DDHD2: variants seen among roughly 807,000 people sequenced by gnomAD.
The protein encoded by DDHD2 is DDHD domain containing 2, also known as triacylglycerol hydrolase DDHD2.
Under a neutral mutation model 91.2 loss-of-function variants are expected in DDHD2, and 62 were observed. The observed-to-expected ratio is 0.68, with a 90% CI of 0.55 to 0.84. The LOEUF is 0.84. Among genes scored for constraint, DDHD2 ranks in the 40% least tolerant of loss-of-function variants. The pLI is 0.00. For missense variants in DDHD2, 740 were observed against 846.9 expected (o/e 0.87, Z 1.57); for synonymous variants, 271 against 293.9 (o/e 0.92, Z 0.80).
chr8:38,253,531 C>T, intron 15 of DDHD2, 25 bp from the exon 16 acceptor site: 2 of 1,600,634 alleles, frequency 1.2e-6, no homozygotes, highest in Non-Finnish European at 1.7e-6. Flanking sequence ...GTTTTAGATT[C>T]TTATTATGGT....
chr8:38,234,618 C>T (rs973316510), intron 3 of DDHD2, 34 bp downstream of exon 3: 14 of 1,491,726 alleles, frequency 9.4e-6, no homozygotes, highest in African/African-American at 1.4e-5. Flanking sequence ...CTTATTCTTT[C>T]TTTCTCTTAT....
chr8:38,272,803 G>A (rs555120942), downstream of DDHD2: 1 of 152,288 alleles, frequency 6.6e-6, no homozygotes, highest in South Asian at 2.1e-4. Flanking sequence ...AGTGAGCAAT[G>A]TCTTTTGGAA....
At position 38,238,162 on chromosome 8, in the gene DDHD2, G is replaced by T. The variant is rs765246042; in HGVS notation, c.575G>T (p.Arg192Ile). The T allele has an allele frequency of 1.2e-6, 2 of 1,614,106 alleles. No individual in the cohort carries two copies. The highest frequency in any genetic ancestry group is 1.1e-5 in the South Asian group (1 of 91,074). Residue 192 changes from arginine to isoleucine, a missense_variant, in exon 5 of 18, where the codon AGA becomes ATA. By Grantham distance (97) the Arg-to-Ile change is moderately conservative (BLOSUM62 -3). Transcript: ENST00000397166. ...ACACCCACGGAGCAGGGTCGACCAA[G>T]AACTGTGAAGAGAGGAGTTGAGAAC... The part of the protein sequence containing the change: ...GSTPTEQGRP[R>I]TVKRGVENIS...
chr8:38,238,329 G>T (rs1278839209), intron 5 of DDHD2, 120 bp downstream of exon 5: 7 of 1,480,632 alleles, frequency 4.7e-6, no homozygotes, highest in Admixed American at 2.6e-5. Context: ...AATCATATGG[G>T]TTTATTCCAA....
intron 16 of DDHD2, among the ~76,000 whole-genome samples, chr8:38,253,935 G>T (rs1258639090): frequency 6.6e-6 from 1 of 151,996 alleles, no homozygotes; most frequent in Non-Finnish European, 1.5e-5. Context: ...AATTAGCTGG[G>T]CGTGGTGGTA....
chr8:38,242,123 A>G (rs1805311140), intron 6 of DDHD2, 127 bp from the exon 7 acceptor site: 1 of 727,800 alleles, frequency 1.4e-6, no homozygotes, highest in Non-Finnish European at 2.1e-6. Context: ...ATACCACTTT[A>G]TTTTTGACGG....
At position 38,242,408 on chromosome 8, in the gene DDHD2, G is replaced by A. The variant is rs538607503; in HGVS notation, c.848+23G>A. 99 of 1,604,010 alleles carry A rather than the reference G, an allele frequency of 6.2e-5. No individual in the cohort carries two copies. In the Admixed American group the frequency reaches 1.4e-3, roughly 23 times the overall value. ...TGTGTGAGTAATACTTAATACCTTC[G>A]AGTTGTTAGCTGTGATTATATTTTC... is the stretch of plus-strand genomic sequence containing the variant. On this transcript the variant is annotated intron_variant, in intron 7 of 17. Transcript: ENST00000397166.
In DDHD2 at chr8:38,262,289, T is replaced by C. The variant is rs1235372478; in HGVS notation, c.*1716T>C. 1 of 152,238 alleles carries C rather than the reference T, an allele frequency of 6.6e-6. No individual in the cohort carries two copies. Among genetic ancestry groups the C allele is most frequent in the Non-Finnish European group, 1.5e-5 (1 of 68,042 alleles). 9.4% of individuals were successfully genotyped at this position (152,238 alleles called of 1,614,324 possible). On this transcript the variant is annotated 3_prime_UTR_variant, in exon 18 of 18. Coordinates refer to ENST00000397166, the MANE Select transcript of DDHD2 (RefSeq NM_015214.3). ...ATGTTTACTCTTCCTATTGGCAGAATAGGTGCTATTTAAGAGTAAACCAAA... is the reference window on the plus strand; with the variant it reads ...ATGTTTACTCTTCCTATTGGCAGAACAGGTGCTATTTAAGAGTAAACCAAA...
At chr8:38,248,085 G>A (rs755681056) in intron 10 of DDHD2, among the ~76,000 whole-genome samples, 2 of 152,204 alleles carry the variant, frequency 1.3e-5, no homozygotes, top group Non-Finnish European at 2.9e-5. Context: ...TAGAAAACAT[G>A]AGTGCAAGAA....
chr8:38,242,159 G>T (rs1317357806), intron 6 of DDHD2, 91 bp from the exon 7 acceptor site: 2 of 1,026,372 alleles, frequency 1.9e-6, no homozygotes, highest in East Asian at 2.5e-5. Context: ...CTGTGCAAAT[G>T]TAGTTAGAGT....
chr8:38,242,164 T>TA (rs1805313355), intron 6 of DDHD2, 86 bp from the exon 7 acceptor site: 6 of 1,074,308 alleles, frequency 5.6e-6, no homozygotes, highest in Non-Finnish European at 8.1e-6. Context: ...CAAATGTAGT[T>TA]AGAGTATAAT....
At chr8:38,244,563 A>AT (rs900372373) in intron 7 of DDHD2, among the ~76,000 whole-genome samples, 4 of 131,452 alleles carry the variant, frequency 3.0e-5, no homozygotes, top group African/African-American at 8.7e-5. Context: ...CCTGAACAGT[A>AT]TTTTTTTTGT....
In DDHD2 at chr8:38,257,662, ATT is replaced by A. The variant is rs35509320; in HGVS notation, c.2055-2359_2055-2358del. 4.8e-3 allele frequency among the ~76,000 whole-genome samples: 529 copies of A among 109,336 alleles called. 2 individuals are homozygous for A. The highest frequency in any genetic ancestry group is 0.017 in the South Asian group (58 of 3,326). The allele number at this position is 109,336 out of a possible 152,430, so 71.7% of individuals were successfully genotyped here. A position where few individuals can be genotyped will look rare whatever the true frequency, so the allele number is the denominator to read the frequency against. Reference sequence around the variant, plus strand: ...TTTCCAAAAAAATTCTTACCACAGTATTTTTTTTTTTTTTTTTTTTGAGATGG... The same window carrying A: ...TTTCCAAAAAAATTCTTACCACAGTATTTTTTTTTTTTTTTTTTGAGATGG... On this transcript the variant is annotated intron_variant, in intron 16 of 17. Transcript: ENST00000397166.
chr8:38,261,023 T>G lies in DDHD2; in HGVS notation c.*450T>G, dbSNP rs1014644472. 1 of 152,088 alleles carries G rather than the reference T, an allele frequency of 6.6e-6. No homozygotes were observed. The highest frequency in any genetic ancestry group is 2.4e-5 in the African/African-American group (1 of 41,460). 9.4% of individuals were successfully genotyped at this position (152,088 alleles called of 1,614,324 possible). On this transcript the variant is annotated 3_prime_UTR_variant, in exon 18 of 18. Coordinates refer to ENST00000397166, the MANE Select transcript of DDHD2 (RefSeq NM_015214.3). ...TTGAGATTCAGAAGGCATTTTGGAG[T>G]ACACTTATCTCTTGTTTGTGTTGAA...
Position 38,252,779 on chromosome 8 carries a change from C to A in DDHD2, c.1675C>A (p.Pro559Thr). ...PMVVPGVEFE[P>T]MLIPHHKGRK... ...GGTGGTCCCAGGAGTGGAATTTGAGCCAATGCTGATCCCACATCATAAAGG... is the reference window on the plus strand; with the variant it reads ...GGTGGTCCCAGGAGTGGAATTTGAGACAATGCTGATCCCACATCATAAAGG... Residue 559 changes from proline to threonine, a missense_variant, in exon 14 of 18, where the codon CCA becomes ACA. Pro to Thr is a conservative substitution (Grantham distance 38). Around this residue, in one of 2 missense-constraint regions of DDHD2, gnomAD observed 693 missense variants for 764.2 expected, o/e 0.91. Coordinates refer to ENST00000397166, the MANE Select transcript of DDHD2 (RefSeq NM_015214.3). 2 of 1,613,976 alleles carry A rather than the reference C, an allele frequency of 1.2e-6. No homozygotes were observed. The highest frequency in any genetic ancestry group is 1.7e-6 in the Non-Finnish European group (2 of 1,179,956).
downstream of DDHD2, chr8:38,264,787 T>A (rs186755276): frequency 2.0e-6 from 3 of 1,503,108 alleles, no homozygotes; most frequent in Non-Finnish European, 2.7e-6. Flanking sequence ...GTTACAGTAT[T>A]ATCATTGTCA....
chr8:38,245,643 A>G (rs773541921), intron 7 of DDHD2, 99 bp from the exon 8 acceptor site: 111 of 1,095,544 alleles, frequency 1.0e-4, no homozygotes, highest in Non-Finnish European at 1.3e-4. Flanking sequence ...TAAATCGACA[A>G]TTGTTTGTTA....
At chr8:38,269,167 C>T (rs1056836211) in intron 1 of DDHD2, 4 of 1,509,686 alleles carry the variant, frequency 2.6e-6, no homozygotes, top group East Asian at 2.7e-5. Context: ...CCACTTCGGC[C>T]CCAAAGGCCA....
chr8:38,273,614 A>G (rs1395964984), downstream of DDHD2: 1 of 152,256 alleles, frequency 6.6e-6, no homozygotes, highest in African/African-American at 2.4e-5. Context: ...AAAACCAAAC[A>G]TCATATACAA....
Sources: allele counts gnomAD v4.1 joint callset (sites outside exome capture counted in the v4.1 genomes callset), GRCh38; gene constraint gnomAD v4.1.1; regional missense constraint gnomAD v4.1.1; transcripts MANE v1.5; gene names NCBI Gene and HGNC (gene_info 2026-07-23, HGNC 2026-07-21).